SELENON: variants seen among roughly 807,000 people sequenced by gnomAD.
The protein encoded by SELENON is selenoprotein N, also known as selenoprotein N, 1.
SELENON carries 44 observed loss-of-function variants against 59.5 expected under a neutral mutation model. The observed-to-expected ratio is 0.74, with a 90% CI of 0.58 to 0.95. The LOEUF (loss-of-function observed/expected upper bound fraction) is 0.95, where lower values mean the gene tolerates loss of function less well. SELENON is among the 40% of genes least tolerant of loss of function. The probability of loss-of-function intolerance (pLI) is 0.00; values close to 1 mark genes in which losing one functional copy is unlikely to be tolerated. For missense variants in SELENON, 674 were observed against 721.4 expected (o/e 0.93, Z 0.75); for synonymous variants, 320 against 305.6 (o/e 1.05, Z -0.49).
At chr1:25,806,605 G>A (rs563827469) in intron 4 of SELENON, among the ~76,000 whole-genome samples, 5 of 152,216 alleles carry the variant, frequency 3.3e-5, no homozygotes, top group East Asian at 1.9e-4. Context: ...GAGGGAGTAG[G>A]GGATAGAGAA....
At position 25,817,946 on chromosome 1, in the gene SELENON, TCC is replaced by T. The variant is rs371383269; in HGVS notation, c.*2235_*2236del. Reference sequence around the variant, plus strand: ...GGGCGTCTGATGCTCTCTCTCTGCCTCCCCCCCCATCCTGTCAGGCACAGGTG... The same window carrying T: ...GGGCGTCTGATGCTCTCTCTCTGCCTCCCCCCATCCTGTCAGGCACAGGTG... On this transcript the variant is annotated 3_prime_UTR_variant, in exon 13 of 13. Coordinates refer to ENST00000361547, the MANE Select transcript of SELENON (RefSeq NM_020451.3). The T allele has an allele frequency of 1.6e-4, 25 of 151,892 alleles. No individual in the cohort carries two copies. Among genetic ancestry groups the T allele is most frequent in the Non-Finnish European group, 2.6e-4 (18 of 68,050 alleles). 9.4% of individuals were successfully genotyped at this position (151,892 alleles called of 1,614,324 possible). A position where few individuals can be genotyped will look rare whatever the true frequency, so the allele number is the denominator to read the frequency against.
At chr1:25,806,352 C>G (rs776000859) in intron 4 of SELENON, among the ~76,000 whole-genome samples, 3 of 152,326 alleles carry the variant, frequency 2.0e-5, no homozygotes, top group Non-Finnish European at 2.9e-5. Context: ...TCTCATCAGA[C>G]CTGGGCTCTC....
At chr1:25,801,992 AC>A (rs2047864665) in intron 2 of SELENON, 1 of 263,000 alleles carries the variant, frequency 3.8e-6, no homozygotes, top group Non-Finnish European at 7.8e-6. Flanking sequence ...AGCAGCTATA[AC>A]TTTTTTTTTT....
At chr1:25,814,222 G>T (rs991917670) in intron 12 of SELENON, 44 bp downstream of exon 11, 101 of 1,501,830 alleles carry the variant, frequency 6.7e-5, no homozygotes, top group Non-Finnish European at 9.2e-5. Flanking sequence ...GGCACCTCGG[G>T]GCCCCGGGAG....
Position 25,815,945 on chromosome 1 carries a change from T to C in SELENON, c.*227T>C, listed in dbSNP as rs1236091456. 4 of 559,766 alleles carry C rather than the reference T, an allele frequency of 7.1e-6. No homozygotes were observed. The highest frequency in any genetic ancestry group is 1.3e-5 in the Non-Finnish European group (4 of 310,506). The allele number at this position is 559,766 out of a possible 1,614,324, so 34.7% of individuals were successfully genotyped here. On this transcript the variant is annotated 3_prime_UTR_variant, in exon 13 of 13. Coordinates refer to ENST00000361547, the MANE Select transcript of SELENON (RefSeq NM_020451.3). ...AGGAACCTCTAGCTCTGACTGTCAC[T>C]CGGCTCTCCCTACCCATTTGGCTCT... is the stretch of plus-strand genomic sequence containing the variant.
chr1:25,811,910 C>T (rs2047964084), intron 9 of SELENON, 31 bp downstream of exon 8: 3 of 1,547,750 alleles, frequency 1.9e-6, no homozygotes, highest in East Asian at 2.4e-5. Flanking sequence ...AGGCCAGGGT[C>T]AGGCTGCATG....
chr1:25,807,634 G>A lies in SELENON; in HGVS notation c.538-946G>A, dbSNP rs547129530. 5.3e-5 allele frequency among the ~76,000 whole-genome samples: 8 copies of A among 152,312 alleles called. No homozygotes were observed. The highest frequency in any genetic ancestry group is 3.4e-3 in the Middle Eastern group (1 of 294). ...GTGGCAAGCCTACAAGCAGGACCCAGGAAGGCGGGCTCGGCCTGGCCCGGC... is the reference window on the plus strand; with the variant it reads ...GTGGCAAGCCTACAAGCAGGACCCAAGAAGGCGGGCTCGGCCTGGCCCGGC... On this transcript the variant is annotated intron_variant, in intron 4 of 12. Transcript: ENST00000361547. The surrounding 1 kb of genome is among the most constrained non-coding windows in gnomAD (Gnocchi z 4.5).
intron 4 of SELENON, among the ~76,000 whole-genome samples, chr1:25,808,314 CCTGGGTGGGCTGTGCCTGGGTGGGCTGT>C (rs2047925337): frequency 3.4e-4 from 2 of 5,828 alleles, no homozygotes; most frequent in African/African-American, 1.0e-3. Context: ...GTGGGCTGTG[CCTGGGTGGGCTGTGCCTGGGTGGGCTGT>C]GCCTGGGTGG....
intron 4 of SELENON, 106 bp downstream of exon 3, chr1:25,805,381 C>A: frequency 6.6e-7 from 1 of 1,509,470 alleles, no homozygotes; most frequent in East Asian, 2.3e-5. Flanking sequence ...CCACTAGAGC[C>A]AGGCCCTGGA....
At chr1:25,809,249 C>G (rs1455477602) in intron 6 of SELENON, 99 bp downstream of exon 5, 1 of 1,552,738 alleles carries the variant, frequency 6.4e-7, no homozygotes, top group South Asian at 1.1e-5. Context: ...CTCCACCTCT[C>G]CTCCCACTGC....
In SELENON at chr1:25,812,652, G is replaced by A. The variant is rs1288866045; in HGVS notation, c.1282-35G>A. On this transcript the variant is annotated intron_variant, in intron 9 of 12. Coordinates refer to ENST00000361547, the MANE Select transcript of SELENON (RefSeq NM_020451.3). ...GCCCGAGTGGGACCCTGGCCGCTTT[G>A]ATGATGGCTTCGCTCTGTCTCGGTG... 3 of 1,567,630 alleles carry A rather than the reference G, an allele frequency of 1.9e-6. No homozygotes were observed. The South Asian group carries it at 3.4e-5, about 18-fold the overall frequency.
intron 3 of SELENON, among the ~76,000 whole-genome samples, chr1:25,803,277 ATTTTTTGCACAGAAATC>A (rs764910689): frequency 8.5e-5 from 13 of 152,134 alleles, no homozygotes; most frequent in Non-Finnish European, 1.9e-4. Flanking sequence ...TGCACTTTTA[ATTTTTTGCACAGAAATC>A]TTTTTCTCCA....
rs967079465 is a variant in SELENON, at chr1:25,816,331, C to T, written c.*613C>T. Reference sequence around the variant, plus strand: ...CAGAGTGGAAATCAGACGGGACCCCCTGCAGCTTCCCTGACCACGCCACTG... The same window carrying T: ...CAGAGTGGAAATCAGACGGGACCCCTTGCAGCTTCCCTGACCACGCCACTG... On this transcript the variant is annotated 3_prime_UTR_variant, in exon 13 of 13. Transcript: ENST00000361547. 1.3e-5 allele frequency: 2 copies of T among 152,858 alleles called. No homozygotes were observed. The highest frequency in any genetic ancestry group is 2.4e-5 in the African/African-American group (1 of 41,472). 9.5% of individuals were successfully genotyped at this position (152,858 alleles called of 1,614,324 possible). A position where few individuals can be genotyped will look rare whatever the true frequency, so the allele number is the denominator to read the frequency against.
chr1:25,818,003 T>C lies in SELENON; in HGVS notation c.*2285T>C, dbSNP rs2048027213. On this transcript the variant is annotated 3_prime_UTR_variant, in exon 13 of 13. Coordinates refer to ENST00000361547, the MANE Select transcript of SELENON (RefSeq NM_020451.3). ...GGGCAGCCCATGCGAGCCCTTCTCCTGCTGCTCTGGGAGGGCCAGTTCCAC... is the reference window on the plus strand; with the variant it reads ...GGGCAGCCCATGCGAGCCCTTCTCCCGCTGCTCTGGGAGGGCCAGTTCCAC... 1 of 152,402 alleles carries C rather than the reference T, an allele frequency of 6.6e-6. No individual in the cohort carries two copies. 9.4% of individuals were successfully genotyped at this position (152,402 alleles called of 1,614,324 possible).
At chr1:25,804,393 C>T (rs1285359645) in intron 3 of SELENON, among the ~76,000 whole-genome samples, 2 of 152,208 alleles carry the variant, frequency 1.3e-5, no homozygotes, top group African/African-American at 4.8e-5. Flanking sequence ...CTCTGTACCA[C>T]TACCCTGCCC....
Position 25,808,565 on chromosome 1 carries a change from T to G in SELENON, c.538-15T>G. On this transcript the variant is annotated splice_polypyrimidine_tract_variant and intron_variant, in intron 4 of 12. Coordinates refer to ENST00000361547, the MANE Select transcript of SELENON (RefSeq NM_020451.3). Reference sequence around the variant, plus strand: ...GGTTCTCAGATTCCTGGAGCTTTGCTTTCCCCCGCCCCAGGTCTCCCGCCT... The same window carrying G: ...GGTTCTCAGATTCCTGGAGCTTTGCGTTCCCCCGCCCCAGGTCTCCCGCCT... The G allele has an allele frequency of 1.9e-6, 3 of 1,612,774 alleles. No homozygotes were observed. Among genetic ancestry groups the G allele is most frequent in the South Asian group, 1.1e-5 (1 of 91,056 alleles).
Position 25,811,704 on chromosome 1 carries a change from C to T in SELENON, c.1106C>T (p.Ala369Val). 6.2e-7 allele frequency: 1 copy of T among 1,609,564 alleles called. No homozygotes were observed. The highest frequency in any genetic ancestry group is 8.5e-7 in the Non-Finnish European group (1 of 1,178,160). The change falls in exon 9 of 13, where the codon GCC (alanine) becomes GTC (valine). Residue 369 changes from alanine to valine, a missense_variant. Physicochemically the swap from Ala to Val is moderately conservative, Grantham distance 64. Coordinates refer to ENST00000361547, the MANE Select transcript of SELENON (RefSeq NM_020451.3). The stretch of plus-strand genomic sequence containing the variant: ...CCTCTGGCCCAGATGGAGCTGGAGG[C>T]CACGGGCCCCTCTGTGCCCTCCGTG...
At chr1:25,805,097 C>G in intron 3 of SELENON, 45 bp from the exon 3 acceptor site, 1 of 1,610,862 alleles carries the variant, frequency 6.2e-7, no homozygotes, top group Non-Finnish European at 8.5e-7. Context: ...AGAGGTGAGC[C>G]CTGTAGCATA....
At chr1:25,815,480 G>C in intron 12 of SELENON, 68 bp from the exon 12 acceptor site, 2 of 1,346,914 alleles carry the variant, frequency 1.5e-6, no homozygotes, top group Non-Finnish European at 2.1e-6. Context: ...TCTCCCCATA[G>C]AAGAGAGGGC....
Sources: gnomAD v4.1 joint callset for allele counts (sites outside exome capture counted in the v4.1 genomes callset) on GRCh38, gnomAD v4.1.1 for gene constraint, Gnocchi (gnomAD v3.1) non-coding constraint, MANE v1.5 for transcripts, NCBI Gene and HGNC (gene_info 2026-07-23, HGNC 2026-07-21) for gene names.